Variants in TMEM272 observed in about 807,000 individuals in gnomAD.
The protein encoded by TMEM272 is transmembrane protein 272.
In TMEM272, 8 loss-of-function variants were observed where a neutral mutation model predicts 3.7. The observed-to-expected ratio is 2.17, with a 90% CI of 1.27 to 3.91. The LOEUF (loss-of-function observed/expected upper bound fraction) is 3.91. Among genes scored for constraint, TMEM272 ranks in the 30% most tolerant of loss-of-function variants. The pLI, the probability that TMEM272 is intolerant of heterozygous loss-of-function variation, is 0.00. For synonymous variants in TMEM272, 63 were observed against 39.8 expected (o/e 1.58, Z -2.20); for missense variants, 166 against 91.5 (o/e 1.81, Z -3.32).
chr13:51,890,774 G>A, the TMEM272 span, among the ~76,000 whole-genome samples: 2 of 152,192 alleles, frequency 1.3e-5, no homozygotes, highest in Non-Finnish European at 2.9e-5. Flanking sequence ...ACTCTGAGCT[G>A]ACTAATGTGA....
chr13:51,882,821 G>A, the TMEM272 span, among the ~76,000 whole-genome samples: 1 of 152,176 alleles, frequency 6.6e-6, no homozygotes, highest in East Asian at 1.9e-4. Flanking sequence ...TTGTGTTACA[G>A]GATTCCTTGG....
the TMEM272 span, among the ~76,000 whole-genome samples, chr13:51,900,372 G>C: frequency 1.3e-5 from 2 of 152,174 alleles, no homozygotes; most frequent in Admixed American, 1.3e-4. Flanking sequence ...AATGACCATG[G>C]AAAGATGCTC....
the TMEM272 span, chr13:51,921,254 C>G: frequency 2.0e-5 from 3 of 152,206 alleles, no homozygotes; most frequent in Non-Finnish European, 2.9e-5. Flanking sequence ...AGCAGACGTT[C>G]GGATATCTAG....
the TMEM272 span, among the ~76,000 whole-genome samples, chr13:51,898,791 C>T: frequency 6.6e-6 from 1 of 151,764 alleles, no homozygotes; most frequent in South Asian, 2.1e-4. Flanking sequence ...AGGCACCCAG[C>T]ATGCTAAAAA....
upstream of TMEM272, among the ~76,000 whole-genome samples, chr13:51,848,405 A>G (rs1956316934): frequency 6.6e-6 from 1 of 152,202 alleles, no homozygotes; most frequent in African/African-American, 2.4e-5. Context: ...AATAAAGGGC[A>G]CATTAGGGGA....
At chr13:51,859,889 ATTC>A in the TMEM272 span, among the ~76,000 whole-genome samples, 1 of 133,950 alleles carries the variant, frequency 7.5e-6, no homozygotes, top group Non-Finnish European at 1.6e-5. Flanking sequence ...AGAAACTGTT[ATTC>A]TATTTTTTTT....
Position 51,815,991 on chromosome 13 carries a change from G to A in TMEM272, c.*760C>T, listed in dbSNP as rs1821149380. On this transcript the variant is annotated 3_prime_UTR_variant, in exon 5 of 5. Transcript: ENST00000629372. The stretch of plus-strand genomic sequence containing the variant: ...CCCAGCCAGCCGCAGATCATAGAGA[G>A]GTACTTGAATAGCCAGAGGCAGAGA... 6.6e-6 allele frequency: 1 copy of A among 152,378 alleles called. No individual in the cohort carries two copies. Among genetic ancestry groups the A allele is most frequent in the Non-Finnish European group, 1.5e-5 (1 of 68,154 alleles). 9.4% of individuals were successfully genotyped at this position (152,378 alleles called of 1,614,324 possible). A position where few individuals can be genotyped will look rare whatever the true frequency, so the allele number is the denominator to read the frequency against.
intron 3 of TMEM272, among the ~76,000 whole-genome samples, chr13:51,822,780 C>A (rs1450645283): frequency 6.6e-6 from 1 of 152,206 alleles, no homozygotes; most frequent in Non-Finnish European, 1.5e-5. Context: ...GCCAGCCTAC[C>A]CAGTCTACCC....
At chr13:51,914,486 G>A in the TMEM272 span, among the ~76,000 whole-genome samples, 6 of 152,330 alleles carry the variant, frequency 3.9e-5, no homozygotes, top group African/African-American at 9.6e-5. Context: ...CAGGGACAGG[G>A]GACAGGGGCT....
chr13:51,854,662 T>C, the TMEM272 span, among the ~76,000 whole-genome samples: 23 of 152,216 alleles, frequency 1.5e-4, no homozygotes, highest in Admixed American at 1.5e-3. Context: ...TGAAATTCTC[T>C]ATGCACTTCC....
At chr13:51,825,216 T>C (rs1467684640) in intron 3 of TMEM272, among the ~76,000 whole-genome samples, 1 of 152,232 alleles carries the variant, frequency 6.6e-6, no homozygotes, top group African/African-American at 2.4e-5. Context: ...CCAGACTACT[T>C]GGCTGTTTCA....
the TMEM272 span, among the ~76,000 whole-genome samples, chr13:51,854,517 A>G: frequency 4.6e-5 from 7 of 152,162 alleles, no homozygotes; most frequent in Non-Finnish European, 8.8e-5. Flanking sequence ...CCCAGCTATG[A>G]TGCTCATTGT....
At chr13:51,835,226 T>TCC (rs1376775342) in intron 2 of TMEM272, among the ~76,000 whole-genome samples, 3 of 130,784 alleles carry the variant, frequency 2.3e-5, no homozygotes, top group African/African-American at 9.9e-5. Flanking sequence ...TTTATTTTCT[T>TCC]TCTTTTTTTT....
chr13:51,924,160 T>C, the TMEM272 span, among the ~76,000 whole-genome samples: 1 of 152,300 alleles, frequency 6.6e-6, no homozygotes. Context: ...CATTCCTGTC[T>C]GGGACTGGCC....
At chr13:51,849,028 C>T (rs773621904), upstream of TMEM272, among the ~76,000 whole-genome samples, 2 of 152,152 alleles carry the variant, frequency 1.3e-5, no homozygotes, top group African/African-American at 2.4e-5. Context: ...TCCCTCACTT[C>T]GACTTCTACC....
At chr13:51,903,972 T>TGTGTGTGTGTGTGTGTGTGTGTGTGTGTG in the TMEM272 span, among the ~76,000 whole-genome samples, 3 of 151,430 alleles carry the variant, frequency 2.0e-5, no homozygotes, top group Non-Finnish European at 2.9e-5. Flanking sequence ...TGTGTGTGTG[T>TGTGTGTGTGTGTGTGTGTGTGTGTGTGTG]TTAGAAAGAA....
the TMEM272 span, among the ~76,000 whole-genome samples, chr13:51,892,098 A>G: frequency 6.6e-6 from 1 of 152,160 alleles, no homozygotes; most frequent in African/African-American, 2.4e-5. Flanking sequence ...CTCAGGGAGA[A>G]GAGCTGAAAG....
the TMEM272 span, among the ~76,000 whole-genome samples, chr13:51,911,446 C>T: frequency 6.6e-6 from 1 of 152,168 alleles, no homozygotes; most frequent in African/African-American, 2.4e-5. Context: ...TCAAACATAC[C>T]TGCTCTGTGT....
At chr13:51,882,874 C>G in the TMEM272 span, among the ~76,000 whole-genome samples, 1 of 152,202 alleles carries the variant, frequency 6.6e-6, no homozygotes, top group Non-Finnish European at 1.5e-5. Flanking sequence ...CTGCCATGAC[C>G]TCCGCCCAGG....
Sources: allele counts gnomAD v4.1 joint callset (sites outside exome capture counted in the v4.1 genomes callset), GRCh38; gene constraint gnomAD v4.1.1; transcripts MANE v1.5; gene names NCBI Gene and HGNC (gene_info 2026-07-23, HGNC 2026-07-21).